ADAMTSL1: variants seen among roughly 807,000 people sequenced by gnomAD.
ADAMTSL1 encodes the protein ADAMTS-like protein 1.
In ADAMTSL1, 126 loss-of-function variants were observed where a neutral mutation model predicts 201.8. The observed-to-expected ratio is 0.62, with a 90% CI of 0.54 to 0.72. The LOEUF (loss-of-function observed/expected upper bound fraction) is 0.72. ADAMTSL1 is among the 30% of genes least tolerant of loss of function. The pLI is 0.00. For missense variants in ADAMTSL1, 2,679 were observed against 2,277.8 expected, an observed-to-expected ratio of 1.18 and a Z score of -3.59; for synonymous variants, 1,121 against 903.4, an observed-to-expected ratio of 1.24 and a Z score of -4.32.
At chr9:18,625,881 C>G (rs1372869995) in intron 5 of ADAMTSL1, among the ~76,000 whole-genome samples, 1 of 152,162 alleles carries the variant, frequency 6.6e-6, no homozygotes, top group African/African-American at 2.4e-5. Flanking sequence ...TAAAATTAAG[C>G]TTTTAATACT....
At chr9:18,413,170 T>G (rs1230729167) in intron 2 of ADAMTSL1, among the ~76,000 whole-genome samples, 1 of 143,606 alleles carries the variant, frequency 7.0e-6, no homozygotes, top group Non-Finnish European at 1.5e-5. Flanking sequence ...TTTTTTGAGA[T>G]GGAATTTCGC....
chr9:17,970,891 A>C (rs1434288969), intron 1 of ADAMTSL1, among the ~76,000 whole-genome samples: 2 of 152,048 alleles, frequency 1.3e-5, no homozygotes, highest in Non-Finnish European at 2.9e-5. Flanking sequence ...TGTGTCTAGC[A>C]CAGACCTTGG....
chr9:18,005,467 G>C (rs1819776728), intron 1 of ADAMTSL1, among the ~76,000 whole-genome samples: 1 of 152,066 alleles, frequency 6.6e-6, no homozygotes, highest in South Asian at 2.1e-4. Flanking sequence ...AGAATAAGTA[G>C]CTTGACCAAA....
In ADAMTSL1 at chr9:18,729,179, A is replaced by G. The variant is rs914793436; in HGVS notation, c.2006+7514A>G. Among the ~76,000 whole-genome samples, 24 of 152,312 alleles carry G rather than the reference A, an allele frequency of 1.6e-4. 1 individual carries two copies. Among genetic ancestry groups the G allele is most frequent in the Admixed American group, 1.2e-3 (19 of 15,294 alleles). ...CTGGCAGGAGGAGGATACAGCCCCAAGGAAGGGTGTCAGGGCGTCATGAGT... is the reference window on the plus strand; with the variant it reads ...CTGGCAGGAGGAGGATACAGCCCCAGGGAAGGGTGTCAGGGCGTCATGAGT... On this transcript the variant is annotated intron_variant, in intron 15 of 28. Transcript: ENST00000380548.
At position 18,636,001 on chromosome 9, in the gene ADAMTSL1, A is replaced by T; in HGVS notation, c.660A>T (p.Lys220Asn). Residue 220 changes from lysine (K) to asparagine (N), a missense_variant, in exon 6 of 29, where the codon AAA (lysine) becomes AAT (asparagine). By Grantham distance (94) the Lys-to-Asn change is moderately conservative. Coordinates refer to ENST00000380548, the MANE Select transcript of ADAMTSL1 (RefSeq NM_001040272.6). Reference protein sequence around the residue: ...YGSRHIRLVLKGPDHLYLETK... With the variant: ...YGSRHIRLVLNGPDHLYLETK... ...GTAGACATATTCGCCTTGTCTTAAA[A>T]GGTCCTGATCACTTATGTAAGTAAC... The T allele has an allele frequency of 6.2e-7, 1 of 1,601,310 alleles. No homozygotes were observed. The highest frequency in any genetic ancestry group is 1.1e-5 in the South Asian group (1 of 88,066).
At position 18,770,785 on chromosome 9, in the gene ADAMTSL1, T is replaced by G; in HGVS notation, c.2397+4T>G. Reference sequence around the variant, plus strand: ...GCTTCTCTCAGACTGGACAGAGGTATGTATGTTCCTCCGAAGAGAATGAAA... The same window carrying G: ...GCTTCTCTCAGACTGGACAGAGGTAGGTATGTTCCTCCGAAGAGAATGAAA... On this transcript the variant is annotated splice_donor_region_variant and intron_variant, in intron 17 of 28. Coordinates refer to ENST00000380548, the MANE Select transcript of ADAMTSL1 (RefSeq NM_001040272.6). The G allele has an allele frequency of 6.2e-7, 1 of 1,612,990 alleles. No individual in the cohort carries two copies. Among genetic ancestry groups the G allele is most frequent in the Non-Finnish European group, 8.5e-7 (1 of 1,179,330 alleles).
intron 2 of ADAMTSL1, among the ~76,000 whole-genome samples, chr9:18,323,123 T>G (rs1367632499): frequency 6.6e-6 from 1 of 152,168 alleles, no homozygotes; most frequent in Non-Finnish European, 1.5e-5. Flanking sequence ...TCGTAAATGT[T>G]TGCAAAATTC....
chr9:18,847,156 A>G (rs903075291), intron 23 of ADAMTSL1, among the ~76,000 whole-genome samples: 7 of 152,172 alleles, frequency 4.6e-5, no homozygotes, highest in Non-Finnish European at 8.8e-5. Flanking sequence ...CAGACAGAAA[A>G]GTCAATCATG....
chr9:18,360,992 T>A (rs367620250), intron 2 of ADAMTSL1, among the ~76,000 whole-genome samples: 17 of 152,256 alleles, frequency 1.1e-4, no homozygotes, highest in East Asian at 9.6e-4. Context: ...AAGAAATGTA[T>A]CTCAGAAAAA....
intron 1 of ADAMTSL1, among the ~76,000 whole-genome samples, chr9:18,033,266 G>T (rs1821052766): frequency 6.6e-6 from 1 of 152,038 alleles, no homozygotes. Context: ...TTATTCCAAA[G>T]AAATAAGTCT....
intron 26 of ADAMTSL1, among the ~76,000 whole-genome samples, chr9:18,893,354 G>A (rs1405827027): frequency 7.2e-5 from 11 of 152,142 alleles, no homozygotes; most frequent in Admixed American, 4.6e-4. Context: ...CTCAAGGAGG[G>A]ACGTATGGTG....
intron 2 of ADAMTSL1, among the ~76,000 whole-genome samples, chr9:18,417,513 A>C (rs1350998527): frequency 6.6e-6 from 1 of 152,060 alleles, no homozygotes; most frequent in African/African-American, 2.4e-5. Context: ...ATCAATCCAG[A>C]AAAAAGAGAG....
At chr9:18,332,596 G>A (rs1043474528) in intron 2 of ADAMTSL1, among the ~76,000 whole-genome samples, 3 of 152,094 alleles carry the variant, frequency 2.0e-5, no homozygotes, top group Non-Finnish European at 2.9e-5. Context: ...GACTAAAGGC[G>A]CATGCTACCA....
intron 1 of ADAMTSL1, among the ~76,000 whole-genome samples, chr9:18,129,291 C>T (rs745403832): frequency 1.1e-4 from 16 of 152,120 alleles, no homozygotes; most frequent in Non-Finnish European, 1.2e-4. Context: ...GAGTGAGGTT[C>T]GGAATTGCAG....
intron 14 of ADAMTSL1, among the ~76,000 whole-genome samples, chr9:18,712,986 A>G (rs1257465363): frequency 1.3e-5 from 2 of 151,890 alleles, no homozygotes; most frequent in Non-Finnish European, 2.9e-5. Context: ...AGAATTTCAT[A>G]TCCAGCCAAA....
intron 2 of ADAMTSL1, among the ~76,000 whole-genome samples, chr9:18,205,255 C>T (rs1005394004): frequency 1.3e-5 from 2 of 152,098 alleles, no homozygotes; most frequent in African/African-American, 4.8e-5. Context: ...TAATTATATA[C>T]ACTATAATGC....
intron 13 of ADAMTSL1, among the ~76,000 whole-genome samples, chr9:18,699,542 C>T (rs1002433720): frequency 2.0e-5 from 3 of 152,046 alleles, no homozygotes; most frequent in Non-Finnish European, 4.4e-5. Context: ...ATTGCCCAGG[C>T]TGGTCTCAAA....
chr9:18,430,720 C>A (rs1156902592), intron 2 of ADAMTSL1, among the ~76,000 whole-genome samples: 12 of 152,180 alleles, frequency 7.9e-5, no homozygotes, highest in Admixed American at 5.9e-4. Flanking sequence ...CTTCTCCTTG[C>A]ACCAAGCACA....
intron 3 of ADAMTSL1, among the ~76,000 whole-genome samples, chr9:18,555,360 CA>C (rs1373449661): frequency 1.3e-5 from 2 of 151,850 alleles, no homozygotes; most frequent in Non-Finnish European, 2.9e-5. Flanking sequence ...ACTTCCTTGC[CA>C]GCCCAGCTGT....
Sources: allele counts gnomAD v4.1 joint callset (sites outside exome capture counted in the v4.1 genomes callset), GRCh38; gene constraint gnomAD v4.1.1; transcripts MANE v1.5; gene names NCBI Gene and HGNC (gene_info 2026-07-23, HGNC 2026-07-21).